The following CLYBL variants were observed in gnomAD, a reference collection of about 807,000 sequenced individuals.
CLYBL encodes the protein citramalyl-CoA lyase, mitochondrial.
In CLYBL, 31 loss-of-function variants were observed where a neutral mutation model predicts 38.9. That is an observed-to-expected ratio of 0.80 (90% CI 0.60 to 1.08). The LOEUF (loss-of-function observed/expected upper bound fraction) is 1.08. Ranked by LOEUF, CLYBL falls within the 50% of genes least tolerant of loss-of-function variation. CLYBL has a pLI of 0.00. For synonymous variants in CLYBL, 171 were observed against 158.6 expected (o/e 1.08, Z -0.59); for missense variants, 434 against 411.6 (o/e 1.05, Z -0.47).
At chr13:99,827,158 C>T (rs535265142) in intron 2 of CLYBL, among the ~76,000 whole-genome samples, 1 of 152,298 alleles carries the variant, frequency 6.6e-6, no homozygotes, top group African/African-American at 2.4e-5. Flanking sequence ...GTCTGGGTTC[C>T]GTGAGTCATT....
rs143459433 is a variant in CLYBL, at chr13:99,880,377, A to G, written c.927+9315A>G. 4.9e-3 allele frequency among the ~76,000 whole-genome samples: 746 copies of G among 152,158 alleles called. 8 individuals carry two copies. The highest frequency in any genetic ancestry group is 0.017 in the African/African-American group (689 of 41,508). On this transcript the variant is annotated intron_variant, in intron 7 of 8. Coordinates refer to ENST00000339105, the MANE Select transcript of CLYBL (RefSeq NM_206808.5). ...ACTGCACCTGGCCCTTGCATATATT[A>G]CTTTATGTAATCCTCACAGCAGCCC... is the stretch of plus-strand genomic sequence containing the variant.
chr13:99,713,886 G>A (rs1001509047), intron 1 of CLYBL, among the ~76,000 whole-genome samples: 2 of 151,868 alleles, frequency 1.3e-5, no homozygotes, highest in South Asian at 2.1e-4. Context: ...ACAGGGTTTC[G>A]CTATGTGCCC....
downstream of CLYBL, chr13:99,895,038 C>G (rs1355375688): frequency 1.3e-5 from 2 of 152,122 alleles, no homozygotes; most frequent in Non-Finnish European, 2.9e-5. Flanking sequence ...TCACCGCCTC[C>G]GATTTGAATT....
chr13:99,831,334 C>A (rs1014664768), intron 2 of CLYBL, among the ~76,000 whole-genome samples: 3 of 152,288 alleles, frequency 2.0e-5, no homozygotes, highest in East Asian at 1.9e-4. Flanking sequence ...TAATCAGGAG[C>A]TGCAAGGTCT....
intron 2 of CLYBL, among the ~76,000 whole-genome samples, chr13:99,830,016 T>C (rs2050774303): frequency 6.6e-6 from 1 of 152,188 alleles, no homozygotes; most frequent in Admixed American, 6.5e-5. Flanking sequence ...ATATGTGATG[T>C]AGTGAACAAG....
chr13:99,712,460 A>G (rs1186131721), intron 1 of CLYBL, among the ~76,000 whole-genome samples: 7 of 149,542 alleles, frequency 4.7e-5, no homozygotes, highest in Non-Finnish European at 1.0e-4. Flanking sequence ...TCAGCCTCCC[A>G]AGTAGCTGGG....
At chr13:99,776,036 C>T (rs991192799) in intron 2 of CLYBL, among the ~76,000 whole-genome samples, 5 of 151,556 alleles carry the variant, frequency 3.3e-5, no homozygotes, top group South Asian at 2.1e-4. Flanking sequence ...TGGTGGCGGG[C>T]GCCTGCAGTC....
At chr13:99,779,571 T>C (rs12877564) in intron 2 of CLYBL, among the ~76,000 whole-genome samples, 29,378 of 152,152 alleles carry the variant, frequency 0.19, 2,937 homozygotes, top group East Asian at 0.26. Flanking sequence ...GATACTTTTG[T>C]AAAATACAAT....
At position 99,793,068 on chromosome 13, in the gene CLYBL, A is replaced by AC. The variant is rs1566329333; in HGVS notation, c.249+20058_249+20059insC. Among the ~76,000 whole-genome samples the AC allele has an allele frequency of 1.2e-4, 18 of 149,686 alleles. No homozygotes were observed. The East Asian group carries it at 3.5e-3, about 29-fold the overall frequency. On this transcript the variant is annotated intron_variant, in intron 2 of 8. Transcript: ENST00000339105. ...CACACACACACACACACACACACACAAAGTACGTAGACCTTAAAGCCCCAT... is the reference window on the plus strand; with the variant it reads ...CACACACACACACACACACACACACACAAGTACGTAGACCTTAAAGCCCCAT...
intron 1 of CLYBL, among the ~76,000 whole-genome samples, chr13:99,658,716 T>G (rs1381413877): frequency 6.9e-6 from 1 of 144,324 alleles, no homozygotes; most frequent in Non-Finnish European, 1.5e-5. Context: ...CCATTTTGAT[T>G]AAAGAAAAGT....
At chr13:99,802,308 G>T (rs2050152074) in intron 2 of CLYBL, among the ~76,000 whole-genome samples, 1 of 152,044 alleles carries the variant, frequency 6.6e-6, no homozygotes, top group African/African-American at 2.4e-5. Context: ...GTAAGAATTT[G>T]GGGGGGATAT....
At chr13:99,853,503 T>C (rs1020482043) in intron 2 of CLYBL, among the ~76,000 whole-genome samples, 1 of 152,242 alleles carries the variant, frequency 6.6e-6, no homozygotes, top group Non-Finnish European at 1.5e-5. Flanking sequence ...ATGCTCAATA[T>C]TGTTATAGGT....
At chr13:99,624,213 T>C (rs982114764) in intron 1 of CLYBL, among the ~76,000 whole-genome samples, 2 of 152,296 alleles carry the variant, frequency 1.3e-5, no homozygotes, top group Middle Eastern at 3.4e-3. Flanking sequence ...CTCCCTGTTA[T>C]GTTTGGTCTC....
chr13:99,864,306 C>T (rs1473306179), intron 4 of CLYBL, among the ~76,000 whole-genome samples: 3 of 152,170 alleles, frequency 2.0e-5, no homozygotes, highest in East Asian at 1.9e-4. Context: ...ATATAAATGT[C>T]GAAGTTGCTT....
intron 7 of CLYBL, among the ~76,000 whole-genome samples, chr13:99,884,027 C>T (rs527624116): frequency 4.6e-5 from 7 of 152,156 alleles, no homozygotes; most frequent in Admixed American, 2.0e-4. Context: ...GAAAAGGTCT[C>T]ACTCTGTCAC....
Position 99,862,252 on chromosome 13 carries a change from A to C in CLYBL, c.439-739A>C, listed in dbSNP as rs573861934. 8.5e-5 allele frequency among the ~76,000 whole-genome samples: 13 copies of C among 152,212 alleles called. No homozygotes were observed. The South Asian group carries it at 2.3e-3, about 27-fold the overall frequency. ...TATCTATCTCCCCACATCTTATTAG[A>C]TCTAGATAGACATAATAGATTTACA... On this transcript the variant is annotated intron_variant, in intron 3 of 8. Transcript: ENST00000339105.
At chr13:99,706,950 C>T (rs2806286) in intron 1 of CLYBL, among the ~76,000 whole-genome samples, 38,751 of 151,974 alleles carry the variant, frequency 0.25, 6,899 homozygotes, top group African/African-American at 0.51. Flanking sequence ...CTACAGGTGC[C>T]GTGCCACCAA....
intron 2 of CLYBL, among the ~76,000 whole-genome samples, chr13:99,845,824 T>TGTCCTGCTGGCC (rs1174886065): frequency 6.6e-6 from 1 of 152,210 alleles, no homozygotes. Flanking sequence ...AAAAATTAAG[T>TGTCCTGCTGGCC]GTCCTGCTGG....
intron 1 of CLYBL, among the ~76,000 whole-genome samples, chr13:99,697,682 A>T: frequency 7.4e-6 from 1 of 134,758 alleles, no homozygotes; most frequent in Admixed American, 7.7e-5. Context: ...TTTTTGAGAC[A>T]GGGTCTCACT....
Sources: gnomAD v4.1 joint callset for allele counts (sites outside exome capture counted in the v4.1 genomes callset) on GRCh38, gnomAD v4.1.1 for gene constraint, MANE v1.5 for transcripts, NCBI Gene and HGNC (gene_info 2026-07-23, HGNC 2026-07-21) for gene names.